ZSCAN32: variants seen among roughly 807,000 people sequenced by gnomAD.
ZSCAN32 encodes the protein zinc finger and SCAN domain-containing protein 32.
Under a neutral mutation model 47.4 loss-of-function variants are expected in ZSCAN32, and 52 were observed. The ratio of observed to expected loss-of-function variants is 1.10; its 90% CI spans 0.88 to 1.38. The LOEUF (loss-of-function observed/expected upper bound fraction) is 1.38, where lower values mean the gene tolerates loss of function less well. Among genes scored for constraint, ZSCAN32 ranks in the 40% most tolerant of loss-of-function variants. ZSCAN32 has a pLI of 0.00. For missense variants in ZSCAN32, 959 were observed against 846.0 expected (o/e 1.13, Z -1.66); for synonymous variants, 346 against 305.7 (o/e 1.13, Z -1.38).
intron 5 of ZSCAN32, among the ~76,000 whole-genome samples, chr16:3,389,022 AAATC>A (rs2032344507): frequency 6.6e-6 from 1 of 152,266 alleles, no homozygotes; most frequent in Non-Finnish European, 1.5e-5. Flanking sequence ...AATAAGTTAA[AAATC>A]ACAAGTACAA....
chr16:3,396,818 G>A (rs1278774983), intron 2 of ZSCAN32, among the ~76,000 whole-genome samples: 2 of 152,174 alleles, frequency 1.3e-5, no homozygotes, highest in South Asian at 4.1e-4. Context: ...TACAACACAT[G>A]TCACTCTGCC....
chr16:3,399,671 C>A (rs2033704112), intron 1 of ZSCAN32, among the ~76,000 whole-genome samples: 1 of 152,076 alleles, frequency 6.6e-6, no homozygotes, highest in African/African-American at 2.4e-5. Context: ...GTCTCAAACT[C>A]CTGAACTCAA....
intron 4 of ZSCAN32, 59 bp from the exon 5 acceptor site, chr16:3,390,192 G>T (rs1453573814): frequency 6.6e-7 from 1 of 1,518,576 alleles, no homozygotes; most frequent in African/African-American, 1.4e-5. Context: ...GCCTGGGGTG[G>T]GGGCAGAGAC....
At chr16:3,395,083 C>T (rs150499893) in intron 2 of ZSCAN32, among the ~76,000 whole-genome samples, 2 of 152,344 alleles carry the variant, frequency 1.3e-5, no homozygotes, top group African/African-American at 2.4e-5. Context: ...CCGTGCCTGT[C>T]CTGTTCACTG....
chr16:3,388,666 T>C (rs1284554262), intron 5 of ZSCAN32, among the ~76,000 whole-genome samples: 1 of 152,214 alleles, frequency 6.6e-6, no homozygotes, highest in Non-Finnish European at 1.5e-5. Context: ...CTCTTACCTC[T>C]AATTTTAAAG....
At chr16:3,387,296 G>A (rs1434766158) in intron 5 of ZSCAN32, among the ~76,000 whole-genome samples, 1 of 152,174 alleles carries the variant, frequency 6.6e-6, no homozygotes, top group East Asian at 1.9e-4. Context: ...GGACAGAGGA[G>A]CTGGTTGTAA....
chr16:3,389,400 T>G (rs939224544), intron 5 of ZSCAN32, among the ~76,000 whole-genome samples: 6 of 152,116 alleles, frequency 3.9e-5, no homozygotes, highest in African/African-American at 1.4e-4. Flanking sequence ...CTAGGCCCAG[T>G]GAGCTGCAGT....
chr16:3,382,889 G>A lies in ZSCAN32; in HGVS notation c.2057C>T (p.Ala686Val), dbSNP rs2031387745. Residue 686 changes from alanine (A) to valine (V), a missense_variant, in exon 7 of 7, where the codon GCA becomes GTA. Coordinates refer to ENST00000396852, the MANE Select transcript of ZSCAN32 (RefSeq NM_001284527.2). ...LTRHQTVHMKAVLSSQEGRDA... is the reference protein window; with the variant it reads ...LTRHQTVHMKVVLSSQEGRDA... The stretch of plus-strand genomic sequence containing the variant: ...TCTTCCTTCCTGTGATGAGAGTACT[G>A]CTTTCATGTGTACTGTCTGATGACG... 3.8e-6 allele frequency: 6 copies of A among 1,590,904 alleles called. No homozygotes were observed. The highest frequency in any genetic ancestry group is 1.4e-5 in the African/African-American group (1 of 73,882).
chr16:3,395,534 G>T (rs1322182169), intron 2 of ZSCAN32, among the ~76,000 whole-genome samples: 1 of 152,118 alleles, frequency 6.6e-6, no homozygotes, highest in Non-Finnish European at 1.5e-5. Context: ...CGCCATGACT[G>T]TAAGTTTCCT....
At chr16:3,394,661 C>T (rs1273223976) in intron 2 of ZSCAN32, among the ~76,000 whole-genome samples, 2 of 152,168 alleles carry the variant, frequency 1.3e-5, no homozygotes, top group Admixed American at 1.3e-4. Context: ...CTTCCCACTG[C>T]ACACAGAATA....
Position 3,397,685 on chromosome 16 carries a change from G to T in ZSCAN32, c.-128C>A. ...TCTTTCTGTAATCCGTGGGACATGA[G>T]AGTGTCAGACATGTGTAGAGACTCA... On this transcript the variant is annotated 5_prime_UTR_variant, in exon 2 of 7. Transcript: ENST00000396852. 7.9e-7 allele frequency: 1 copy of T among 1,271,730 alleles called. No individual in the cohort carries two copies. Among genetic ancestry groups the T allele is most frequent in the Non-Finnish European group, 1.1e-6 (1 of 949,402 alleles). 78.8% of individuals were successfully genotyped at this position (1,271,730 alleles called of 1,614,324 possible). A position where few individuals can be genotyped will look rare whatever the true frequency, so the allele number is the denominator to read the frequency against.
chr16:3,393,239 T>A lies in ZSCAN32; in HGVS notation c.532+410A>T, dbSNP rs1262275969. ...ATATATATATATATAAATTTATATA[T>A]TTTATATATATATATATTTTTTGTT... On this transcript the variant is annotated intron_variant, in intron 3 of 6. Transcript: ENST00000396852. Among the ~76,000 whole-genome samples the A allele has an allele frequency of 1.0e-3, 19 of 18,636 alleles. 8 individuals are homozygous for A. Among genetic ancestry groups the A allele is most frequent in the African/African-American group, 7.9e-3 (17 of 2,150 alleles). The allele number at this position is 18,636 out of a possible 152,430, so 12.2% of individuals were successfully genotyped here.
In ZSCAN32 at chr16:3,383,507, T is replaced by G; in HGVS notation, c.1439A>C (p.Glu480Ala). Residue 480 changes from glutamate to alanine, a missense_variant, in exon 7 of 7, where the codon GAG (glutamate) becomes GCG (alanine). By Grantham distance (107) the Glu-to-Ala change is moderately radical. Transcript: ENST00000396852. ...GESEEKTPSQ[E>A]KMSHQSFCAR... ...ACAAAAACTCTGGTGACTCATCTTC[T>G]CCTGGGATGGGGTTTTCTCCTCACT... 6.2e-7 allele frequency: 1 copy of G among 1,614,136 alleles called. No individual in the cohort carries two copies. Among genetic ancestry groups the G allele is most frequent in the African/African-American group, 1.3e-5 (1 of 75,034 alleles).
At chr16:3,388,491 C>T (rs1225456610) in intron 5 of ZSCAN32, among the ~76,000 whole-genome samples, 4 of 152,250 alleles carry the variant, frequency 2.6e-5, no homozygotes, top group Admixed American at 2.6e-4. Flanking sequence ...ACATCTTCTG[C>T]CGCTTACTGA....
At chr16:3,393,855 C>G in intron 2 of ZSCAN32, 41 bp from the exon 3 acceptor site, 1 of 1,473,818 alleles carries the variant, frequency 6.8e-7, no homozygotes, top group South Asian at 1.3e-5. Flanking sequence ...AAATTCCTGC[C>G]TAAGCTGGAC....
Position 3,397,412 on chromosome 16 carries a change from G to T in ZSCAN32, c.146C>A (p.Thr49Asn), listed in dbSNP as rs2033478981. 1 of 1,552,474 alleles carries T rather than the reference G, an allele frequency of 6.4e-7. No homozygotes were observed. The highest frequency in any genetic ancestry group is 1.2e-5 in the South Asian group (1 of 84,182). The part of the protein sequence containing the change: ...RFRQFCYQEV[T>N]GPHEAFSKLW... The stretch of plus-strand genomic sequence containing the variant: ...TTTGCTAAAAGCTTCATGTGGGCCA[G>T]TTACCTCCTGGTAGCAAAACTGCCT... The change falls in exon 2 of 7, where the codon ACT (threonine) becomes AAT (asparagine). Residue 49 changes from threonine to asparagine, a missense_variant. Coordinates refer to ENST00000396852, the MANE Select transcript of ZSCAN32 (RefSeq NM_001284527.2).
chr16:3,400,222 G>A (rs116369321), intron 1 of ZSCAN32, among the ~76,000 whole-genome samples: 1 of 152,154 alleles, frequency 6.6e-6, no homozygotes, highest in Non-Finnish European at 1.5e-5. Flanking sequence ...TCTAGAGATA[G>A]AGAAATCAAG....
At chr16:3,389,494 A>G (rs2032407720) in intron 5 of ZSCAN32, among the ~76,000 whole-genome samples, 1 of 152,194 alleles carries the variant, frequency 6.6e-6, no homozygotes, top group African/African-American at 2.4e-5. Context: ...GATTTGAGAA[A>G]GGCAAGAGAG....
At chr16:3,392,873 A>G (rs1179525249) in intron 3 of ZSCAN32, among the ~76,000 whole-genome samples, 1 of 151,700 alleles carries the variant, frequency 6.6e-6, no homozygotes, top group East Asian at 1.9e-4. Flanking sequence ...TAAGACAAGT[A>G]AAAACAAAAA....
Sources: allele counts gnomAD v4.1 joint callset (sites outside exome capture counted in the v4.1 genomes callset), GRCh38; gene constraint gnomAD v4.1.1; transcripts MANE v1.5; gene names NCBI Gene and HGNC (gene_info 2026-07-23, HGNC 2026-07-21).